Variants in PRELID2 observed in about 807,000 individuals in gnomAD.
PRELID2 encodes the protein PRELI domain-containing protein 2.
In PRELID2, 25 loss-of-function variants were observed where a neutral mutation model predicts 28.4. That is an observed-to-expected ratio of 0.88 (90% CI 0.64 to 1.23). PRELID2 has a LOEUF of 1.23. PRELID2 is among the 50% of genes most tolerant of loss of function. The pLI is 0.00. For missense variants in PRELID2, 201 were observed against 214.4 expected (o/e 0.94, Z 0.39); for synonymous variants, 76 against 71.6 (o/e 1.06, Z -0.31).
the PRELID2 span, among the ~76,000 whole-genome samples, chr5:145,319,854 A>G: frequency 6.6e-6 from 1 of 152,200 alleles, no homozygotes; most frequent in Non-Finnish European, 1.5e-5. Context: ...CAGAATATAA[A>G]GCATCTCAAC....
the PRELID2 span, among the ~76,000 whole-genome samples, chr5:145,248,525 T>C: frequency 6.6e-6 from 1 of 152,132 alleles, no homozygotes; most frequent in Non-Finnish European, 1.5e-5. Context: ...CCAGGTGCAG[T>C]GGCTCACACC....
intron 1 of PRELID2, among the ~76,000 whole-genome samples, chr5:145,588,205 T>G (rs1290079736): frequency 6.6e-6 from 1 of 152,156 alleles, no homozygotes; most frequent in Non-Finnish European, 1.5e-5. Context: ...ACTATCTTAT[T>G]TATGCTATAG....
chr5:145,604,748 G>GTT (rs377653737), intron 1 of PRELID2, among the ~76,000 whole-genome samples: 8 of 108,970 alleles, frequency 7.3e-5, no homozygotes, highest in Middle Eastern at 5.4e-3. Flanking sequence ...GTTTTTTTTG[G>GTT]TTTTTTTTTT....
the PRELID2 span, among the ~76,000 whole-genome samples, chr5:145,427,078 C>T: frequency 0.016 from 2,382 of 152,288 alleles, 52 homozygotes; most frequent in African/African-American, 0.054. Context: ...TCTTGTACCC[C>T]ATAGACTCTT....
chr5:145,411,243 G>A, the PRELID2 span, among the ~76,000 whole-genome samples: 1 of 152,296 alleles, frequency 6.6e-6, no homozygotes, highest in African/African-American at 2.4e-5. Context: ...AGCAGGCAAA[G>A]AGAGAGCTTG....
rs6149278 is a variant in PRELID2, at chr5:145,817,421, T to TTATATATATATA, written c.368+461_368+472dup. On this transcript the variant is annotated intron_variant, in intron 4 of 6. Coordinates refer to ENST00000683046, the MANE Select transcript of PRELID2 (RefSeq NM_205846.3). The stretch of plus-strand genomic sequence containing the variant: ...TATGCAATAAAGGAATAAGCTAGTT[T>TTATATATATATA]TATATATATATATATATATATATAT... Among the ~76,000 whole-genome samples, 264 of 103,562 alleles carry TTATATATATATA rather than the reference T, an allele frequency of 2.5e-3. 4 individuals carry two copies. The highest frequency in any genetic ancestry group is 7.5e-3 in the African/African-American group (225 of 29,854). The allele number at this position is 103,562 out of a possible 152,430, so 67.9% of individuals were successfully genotyped here. A position where few individuals can be genotyped will look rare whatever the true frequency, so the allele number is the denominator to read the frequency against.
chr5:145,353,717 G>A, the PRELID2 span, among the ~76,000 whole-genome samples: 6 of 152,064 alleles, frequency 3.9e-5, no homozygotes, highest in Non-Finnish European at 8.8e-5. Context: ...CAGCATGGAG[G>A]TAACTGCCTC....
intron 1 of PRELID2, among the ~76,000 whole-genome samples, chr5:145,599,571 C>A (rs1224142554): frequency 6.6e-6 from 1 of 152,160 alleles, no homozygotes; most frequent in East Asian, 1.9e-4. Context: ...GTCTTACGCT[C>A]GAGATACTTG....
At chr5:145,684,395 T>C (rs190023185) in intron 1 of PRELID2, among the ~76,000 whole-genome samples, 125 of 152,298 alleles carry the variant, frequency 8.2e-4, no homozygotes, top group African/African-American at 2.8e-3. Context: ...GATGCTTTTG[T>C]TATCCTGTGT....
chr5:145,340,552 G>A, the PRELID2 span, among the ~76,000 whole-genome samples: 2 of 151,978 alleles, frequency 1.3e-5, no homozygotes, highest in African/African-American at 2.4e-5. Context: ...CAGATCACTT[G>A]AGCCCAGGAG....
At chr5:145,407,154 A>G in the PRELID2 span, among the ~76,000 whole-genome samples, 1 of 152,204 alleles carries the variant, frequency 6.6e-6, no homozygotes, top group South Asian at 2.1e-4. Flanking sequence ...GCAGATAGGT[A>G]TGGAAGGGTG....
At position 145,508,276 on chromosome 5, in the gene PRELID2, A is replaced by G. The variant is rs542774901; in HGVS notation, n.71-34961T>C. Among the ~76,000 whole-genome samples, 5 of 152,170 alleles carry G rather than the reference A, an allele frequency of 3.3e-5. No individual in the cohort carries two copies. The South Asian group carries it at 1.0e-3, about 32-fold the overall frequency. On this transcript the variant is annotated intron_variant and non_coding_transcript_variant, in intron 1 of 2. Coordinates refer to the PRELID2 transcript ENST00000510259. ...CATAGACAGATAGATAGATAGATAG[A>G]TAGATAGATAGATAGATAGATTAAA...
At chr5:145,269,218 G>T in the PRELID2 span, among the ~76,000 whole-genome samples, 1 of 152,016 alleles carries the variant, frequency 6.6e-6, no homozygotes, top group Admixed American at 6.6e-5. Flanking sequence ...GTAGTCCAAA[G>T]AATTCTTTAA....
At chr5:145,496,217 A>C (rs1048739217) in intron 1 of PRELID2, among the ~76,000 whole-genome samples, 9 of 152,096 alleles carry the variant, frequency 5.9e-5, no homozygotes, top group African/African-American at 1.7e-4. Flanking sequence ...TACAAATTTG[A>C]CTCGTGTTCT....
the PRELID2 span, among the ~76,000 whole-genome samples, chr5:145,270,145 T>A: frequency 4.0e-5 from 6 of 151,828 alleles, no homozygotes; most frequent in Non-Finnish European, 5.9e-5. Flanking sequence ...GAGGAACTGG[T>A]AAAATTATAC....
At chr5:145,421,029 T>C in the PRELID2 span, among the ~76,000 whole-genome samples, 58,904 of 145,898 alleles carry the variant, frequency 0.4, 12,203 homozygotes, top group Admixed American at 0.48. Context: ...ATATGCTGGA[T>C]TACATTTATT....
intron 1 of PRELID2, among the ~76,000 whole-genome samples, chr5:145,646,326 G>T (rs2149667634): frequency 6.6e-6 from 1 of 151,978 alleles, no homozygotes; most frequent in South Asian, 2.1e-4. Flanking sequence ...GATCTGTACG[G>T]CTATTGATAC....
chr5:145,292,182 C>T, the PRELID2 span, among the ~76,000 whole-genome samples: 21,253 of 151,932 alleles, frequency 0.14, 2,829 homozygotes, highest in African/African-American at 0.36. Flanking sequence ...CACCTCTAGG[C>T]GACGAGGAAG....
the PRELID2 span, among the ~76,000 whole-genome samples, chr5:145,407,287 G>A: frequency 1.3e-5 from 2 of 152,130 alleles, no homozygotes; most frequent in African/African-American, 4.8e-5. Flanking sequence ...TGGTGGGAGT[G>A]AGACTGGAGA....
Sources: allele counts gnomAD v4.1 joint callset (sites outside exome capture counted in the v4.1 genomes callset), GRCh38; gene constraint gnomAD v4.1.1; transcripts MANE v1.5; gene names NCBI Gene and HGNC (gene_info 2026-07-23, HGNC 2026-07-21).